The following C1QTNF7 variants were observed in gnomAD, a reference collection of about 807,000 sequenced individuals.
The protein encoded by C1QTNF7 is C1q and TNF related 7.
C1QTNF7 carries 15 observed loss-of-function variants against 19.6 expected under a neutral mutation model. The ratio of observed to expected loss-of-function variants is 0.76; its 90% CI spans 0.51 to 1.18. The LOEUF (loss-of-function observed/expected upper bound fraction) is 1.18. Ranked by LOEUF, C1QTNF7 falls within the 50% of genes most tolerant of loss-of-function variation. The probability of loss-of-function intolerance (pLI) is 0.00; values close to 1 mark genes in which losing one functional copy is unlikely to be tolerated. For missense variants in C1QTNF7, 324 were observed against 359.7 expected (o/e 0.90, Z 0.80); for synonymous variants, 142 against 137.5 (o/e 1.03, Z -0.23).
chr4:15,394,543 T>C (rs1718710984), intron 1 of C1QTNF7, among the ~76,000 whole-genome samples: 1 of 152,230 alleles, frequency 6.6e-6, no homozygotes, highest in Non-Finnish European at 1.5e-5. Flanking sequence ...GGTGGAAGAA[T>C]GCACACACAA....
intron 1 of C1QTNF7, among the ~76,000 whole-genome samples, chr4:15,434,954 T>C (rs1447643210): frequency 1.3e-5 from 2 of 152,192 alleles, no homozygotes; most frequent in Admixed American, 6.5e-5. Context: ...TTAACACTAA[T>C]TGGCATTATA....
chr4:15,370,978 C>T (rs567388908), intron 1 of C1QTNF7, among the ~76,000 whole-genome samples: 6 of 152,346 alleles, frequency 3.9e-5, no homozygotes, highest in East Asian at 1.9e-4. Flanking sequence ...GCTGTCATTC[C>T]GTTTCTTTGC....
intron 1 of C1QTNF7, among the ~76,000 whole-genome samples, chr4:15,400,598 G>A (rs1042315154): frequency 2.0e-5 from 3 of 152,124 alleles, no homozygotes; most frequent in African/African-American, 7.2e-5. Flanking sequence ...GCTGGATGAT[G>A]AACGGTCTGC....
At chr4:15,414,324 T>A (rs1433790437) in intron 1 of C1QTNF7, among the ~76,000 whole-genome samples, 1 of 152,242 alleles carries the variant, frequency 6.6e-6, no homozygotes, top group African/African-American at 2.4e-5. Flanking sequence ...TTCTTTCTGG[T>A]CTTTTTTAAT....
intron 2 of C1QTNF7, among the ~76,000 whole-genome samples, chr4:15,437,625 A>C (rs191750411): frequency 1.6e-3 from 246 of 152,324 alleles, no homozygotes; most frequent in Non-Finnish European, 2.9e-3. Context: ...TATGAGGCTA[A>C]CTATACCACC....
intron 1 of C1QTNF7, among the ~76,000 whole-genome samples, chr4:15,378,507 T>C (rs1718027922): frequency 6.6e-6 from 1 of 152,234 alleles, no homozygotes; most frequent in Admixed American, 6.5e-5. Context: ...TTTTTCAACA[T>C]GTTCTTCCTC....
chr4:15,354,721 C>T (rs1258462267), intron 1 of C1QTNF7, among the ~76,000 whole-genome samples: 2 of 151,964 alleles, frequency 1.3e-5, no homozygotes, highest in Non-Finnish European at 2.9e-5. Context: ...AAAAGAGGCC[C>T]CACACTACAC....
At chr4:15,341,997 C>A (rs540717396) in intron 1 of C1QTNF7, among the ~76,000 whole-genome samples, 1 of 152,214 alleles carries the variant, frequency 6.6e-6, no homozygotes, top group East Asian at 1.9e-4. Flanking sequence ...CCCCAGAGGG[C>A]CCCAAAGAGG....
chr4:15,433,701 G>A (rs560617098), intron 1 of C1QTNF7, among the ~76,000 whole-genome samples: 93 of 152,248 alleles, frequency 6.1e-4, no homozygotes, highest in African/African-American at 2.2e-3. Flanking sequence ...GAAATCACAG[G>A]ACAGCCTGAA....
Position 15,442,242 on chromosome 4 carries a change from C to T in C1QTNF7, c.313C>T (p.Pro105Ser), listed in dbSNP as rs370149199. Residue 105 changes from proline to serine, a missense_variant, in exon 3 of 3, where the codon CCC becomes TCC. Coordinates refer to ENST00000444304, the MANE Select transcript of C1QTNF7 (RefSeq NM_031911.5). ...GDQGETGKKGPIGPEGEKGEV... is the reference protein window; with the variant it reads ...GDQGETGKKGSIGPEGEKGEV... The stretch of plus-strand genomic sequence containing the variant: ...CCAAGGAGAGACTGGGAAGAAAGGA[C>T]CCATAGGACCAGAGGGAGAGAAAGG... 8 of 1,613,808 alleles carry T rather than the reference C, an allele frequency of 5.0e-6. No homozygotes were observed. The highest frequency in any genetic ancestry group is 4.0e-5 in the African/African-American group (3 of 74,788).
chr4:15,417,634 G>T (rs1719647763), intron 1 of C1QTNF7, among the ~76,000 whole-genome samples: 1 of 152,194 alleles, frequency 6.6e-6, no homozygotes, highest in African/African-American at 2.4e-5. Context: ...GCACACACCT[G>T]TGATTGCAGA....
chr4:15,408,034 C>T (rs759137898), intron 1 of C1QTNF7, among the ~76,000 whole-genome samples: 7 of 151,882 alleles, frequency 4.6e-5, no homozygotes, highest in Non-Finnish European at 1.0e-4. Flanking sequence ...TTTGGGAGGC[C>T]GAGGCAGGCG....
chr4:15,359,403 C>G (rs1717259464), intron 1 of C1QTNF7, among the ~76,000 whole-genome samples: 2 of 152,094 alleles, frequency 1.3e-5, no homozygotes, highest in African/African-American at 4.8e-5. Context: ...GAAAGAATGT[C>G]TGGGAACTCA....
chr4:15,387,049 A>G (rs1560351105), intron 1 of C1QTNF7, among the ~76,000 whole-genome samples: 1 of 152,172 alleles, frequency 6.6e-6, no homozygotes, highest in Admixed American at 6.5e-5. Context: ...AAAGGAAGGA[A>G]GGTGGCAGCA....
intron 1 of C1QTNF7, chr4:15,374,425 T>C (rs1036723356): frequency 1.2e-5 from 4 of 331,888 alleles, no homozygotes; most frequent in African/African-American, 9.0e-5. Context: ...CACTGTGCTA[T>C]TTCCCAAATA....
chr4:15,441,865 C>T (rs905246949), intron 2 of C1QTNF7, among the ~76,000 whole-genome samples: 1 of 151,826 alleles, frequency 6.6e-6, no homozygotes, highest in African/African-American at 2.4e-5. Context: ...ACTAAAAATA[C>T]AAAAAATTAG....
At chr4:15,378,427 G>A (rs571858341) in intron 1 of C1QTNF7, among the ~76,000 whole-genome samples, 109 of 152,166 alleles carry the variant, frequency 7.2e-4, no homozygotes, top group African/African-American at 2.5e-3. Context: ...ATGAAAAGAA[G>A]AAAGAAAAAA....
intron 1 of C1QTNF7, among the ~76,000 whole-genome samples, chr4:15,400,383 A>G (rs1718939817): frequency 1.3e-5 from 2 of 152,256 alleles, no homozygotes; most frequent in Admixed American, 1.3e-4. Context: ...TAATGCTGTC[A>G]ACAGCATTAA....
Position 15,435,997 on chromosome 4 carries a change from T to C in C1QTNF7, c.238+16T>C, listed in dbSNP as rs1403020785. ...GGAACTGCAGGTAATGAATGAGAAG[T>C]TGCATAAAACACCCTCCTTCACCCC... On this transcript the variant is annotated intron_variant, in intron 2 of 2. Coordinates refer to ENST00000444304, the MANE Select transcript of C1QTNF7 (RefSeq NM_031911.5). 6 of 1,607,756 alleles carry C rather than the reference T, an allele frequency of 3.7e-6. No individual in the cohort carries two copies. Among genetic ancestry groups the C allele is most frequent in the East Asian group, 2.2e-5 (1 of 44,830 alleles).
Sources: allele counts gnomAD v4.1 joint callset (sites outside exome capture counted in the v4.1 genomes callset), GRCh38; gene constraint gnomAD v4.1.1; transcripts MANE v1.5; gene names NCBI Gene and HGNC (gene_info 2026-07-23, HGNC 2026-07-21).